ZBTB7C: variants seen among roughly 807,000 people sequenced by gnomAD.
ZBTB7C encodes zinc finger and BTB domain containing 7C.
Under a neutral mutation model 25.7 loss-of-function variants are expected in ZBTB7C, and 8 were observed. The ratio of observed to expected loss-of-function variants is 0.31; its 90% confidence interval spans 0.18 to 0.56. The LOEUF is 0.56. Among genes scored for constraint, ZBTB7C ranks in the 20% least tolerant of loss-of-function variants. ZBTB7C has a pLI of 0.91. For missense variants in ZBTB7C, 824 were observed against 855.2 expected, an observed-to-expected ratio of 0.96 and a Z score of 0.46; for synonymous variants, 394 against 369.0, an observed-to-expected ratio of 1.07 and a Z score of -0.78.
intron 2 of ZBTB7C, among the ~76,000 whole-genome samples, chr18:48,195,477 C>A (rs1339875937): frequency 6.6e-6 from 1 of 152,230 alleles, no homozygotes; most frequent in African/African-American, 2.4e-5. Flanking sequence ...TAAGACATGA[C>A]TTTGCTCCTC....
At chr18:48,041,272 C>T (rs1301757347) in intron 3 of ZBTB7C, 149 bp from the exon 4 acceptor site, 1 of 1,406,238 alleles carries the variant, frequency 7.1e-7, no homozygotes, top group Non-Finnish European at 9.2e-7. Context: ...TGCCAAATCT[C>T]ACCTGCAATT....
At chr18:48,222,501 T>G (rs191742667) in intron 2 of ZBTB7C, among the ~76,000 whole-genome samples, 200 of 152,308 alleles carry the variant, frequency 1.3e-3, no homozygotes, top group Non-Finnish European at 2.4e-3. Context: ...ATTCTCTCCC[T>G]CTATACTGTC....
At chr18:48,163,406 G>A (rs1028508384) in intron 3 of ZBTB7C, among the ~76,000 whole-genome samples, 2 of 152,162 alleles carry the variant, frequency 1.3e-5, no homozygotes, top group Non-Finnish European at 2.9e-5. Flanking sequence ...CAATGTGGGG[G>A]AGAAGCCACT....
chr18:48,385,715 G>A (rs145817224), intron 1 of ZBTB7C, among the ~76,000 whole-genome samples: 9 of 152,302 alleles, frequency 5.9e-5, no homozygotes, highest in African/African-American at 1.7e-4. Context: ...TCCAGCTAGC[G>A]GTTCAGAAAT....
At chr18:48,176,991 A>T (rs113165846) in intron 3 of ZBTB7C, among the ~76,000 whole-genome samples, 26 of 152,310 alleles carry the variant, frequency 1.7e-4, no homozygotes, top group African/African-American at 5.8e-4. Context: ...TGGTCTTGGG[A>T]CAATTAAAAG....
At chr18:48,092,688 G>A (rs2038463521) in intron 3 of ZBTB7C, among the ~76,000 whole-genome samples, 1 of 152,182 alleles carries the variant, frequency 6.6e-6, no homozygotes, top group African/African-American at 2.4e-5. Context: ...AATAGAGGGG[G>A]AACCCTAACC....
chr18:48,110,664 G>A lies in ZBTB7C; in HGVS notation c.-16-69541C>T, dbSNP rs146843483. The stretch of plus-strand genomic sequence containing the variant: ...GTTCTGAATGTTGCTTCTCCAGGGC[G>A]ATGGGGAGAATTGCTACATCTCGCC... On this transcript the variant is annotated intron_variant, in intron 3 of 4. Transcript: ENST00000590800. Among the ~76,000 whole-genome samples the A allele has an allele frequency of 8.4e-4, 128 of 152,274 alleles. 3 individuals carry two copies. In the East Asian group the frequency reaches 0.023, roughly 27 times the overall value.
At chr18:48,265,592 A>G (rs539462954) in intron 2 of ZBTB7C, among the ~76,000 whole-genome samples, 46 of 152,334 alleles carry the variant, frequency 3.0e-4, no homozygotes, top group African/African-American at 9.9e-4. Context: ...GCAGAGTGCA[A>G]TAAAAGAGCC....
intron 3 of ZBTB7C, among the ~76,000 whole-genome samples, chr18:48,158,245 G>A (rs186217074): frequency 5.9e-4 from 90 of 152,330 alleles, no homozygotes; most frequent in Non-Finnish European, 1.2e-3. Flanking sequence ...TGCCTATCAG[G>A]AACGACAGGT....
At chr18:48,044,480 T>TG (rs1329672782) in intron 3 of ZBTB7C, among the ~76,000 whole-genome samples, 2 of 152,220 alleles carry the variant, frequency 1.3e-5, no homozygotes, top group Non-Finnish European at 2.9e-5. Context: ...CAGGCTCCTT[T>TG]GGGGCTGCCA....
At chr18:48,047,911 G>C (rs1365897079) in intron 3 of ZBTB7C, among the ~76,000 whole-genome samples, 1 of 152,232 alleles carries the variant, frequency 6.6e-6, no homozygotes, top group Non-Finnish European at 1.5e-5. Context: ...GGAGAGGGCA[G>C]GTAGCTTGCC....
chr18:48,229,720 C>T (rs190269509), intron 2 of ZBTB7C, among the ~76,000 whole-genome samples: 2 of 152,220 alleles, frequency 1.3e-5, no homozygotes, highest in Admixed American at 6.5e-5. Flanking sequence ...GCTCTGTTGG[C>T]GGGAATTGTC....
At chr18:48,335,131 T>C (rs2046431983) in intron 2 of ZBTB7C, among the ~76,000 whole-genome samples, 1 of 152,210 alleles carries the variant, frequency 6.6e-6, no homozygotes, top group Non-Finnish European at 1.5e-5. Flanking sequence ...GCCTCACCCC[T>C]CCTTATTTGT....
intron 3 of ZBTB7C, among the ~76,000 whole-genome samples, chr18:48,101,540 T>C (rs1279305767): frequency 6.6e-6 from 1 of 152,190 alleles, no homozygotes. Flanking sequence ...CAGTGCTCAG[T>C]GAGGCTTTGA....
At chr18:48,053,101 G>A (rs2036762179) in intron 3 of ZBTB7C, among the ~76,000 whole-genome samples, 1 of 152,214 alleles carries the variant, frequency 6.6e-6, no homozygotes, top group Non-Finnish European at 1.5e-5. Flanking sequence ...TGACCACAGT[G>A]AGTAGAGTGA....
rs557560664 is a variant in ZBTB7C at position 48,310,106 on chromosome 18, T to C, written c.-79+28068A>G. Among the ~76,000 whole-genome samples the C allele has an allele frequency of 5.2e-4, 79 of 152,000 alleles. 1 individual carries two copies. Among genetic ancestry groups the C allele is most frequent in the Non-Finnish European group, 1.0e-3 (70 of 68,008 alleles). Reference sequence around the variant, plus strand: ...TTAGCTGGGCATGGTGGCAGGTGCCTGTAGTCCCAGCTACTCGGGAGGCTG... The same window carrying C: ...TTAGCTGGGCATGGTGGCAGGTGCCCGTAGTCCCAGCTACTCGGGAGGCTG... On this transcript the variant is annotated intron_variant, in intron 2 of 4. Transcript: ENST00000590800.
intron 2 of ZBTB7C, among the ~76,000 whole-genome samples, chr18:48,196,280 T>C (rs190029484): frequency 2.0e-5 from 3 of 152,240 alleles, no homozygotes; most frequent in African/African-American, 7.2e-5. Flanking sequence ...GTGGGCTATA[T>C]CTCTCCAGAT....
At chr18:48,277,403 T>C (rs1033949347) in intron 2 of ZBTB7C, among the ~76,000 whole-genome samples, 1 of 151,806 alleles carries the variant, frequency 6.6e-6, no homozygotes, top group Non-Finnish European at 1.5e-5. Flanking sequence ...AAAATGCTCA[T>C]CATCACTGGC....
chr18:48,258,803 C>T (rs1014011796), intron 2 of ZBTB7C, among the ~76,000 whole-genome samples: 6 of 151,960 alleles, frequency 3.9e-5, no homozygotes, highest in South Asian at 2.1e-4. Context: ...GGATTACAGG[C>T]GCACACCACC....
Sources: gnomAD v4.1 joint callset for allele counts (sites outside exome capture counted in the v4.1 genomes callset) on GRCh38, gnomAD v4.1.1 for gene constraint, MANE v1.5 for transcripts, NCBI Gene and HGNC (gene_info 2026-07-23, HGNC 2026-07-21) for gene names.